Variants in SLC45A1 observed in about 807,000 individuals in gnomAD.
SLC45A1 encodes the protein proton-associated sugar transporter A.
SLC45A1 carries 28 observed loss-of-function variants against 57.6 expected under a neutral mutation model. The observed-to-expected ratio is 0.49, with a 90% CI of 0.36 to 0.67. The LOEUF (loss-of-function observed/expected upper bound fraction) is 0.67. Among genes scored for constraint, SLC45A1 ranks in the 30% least tolerant of loss-of-function variants. The probability of loss-of-function intolerance (pLI) is 0.00; values close to 1 mark genes in which losing one functional copy is unlikely to be tolerated. For missense variants in SLC45A1, 814 were observed against 1,041.5 expected (o/e 0.78, Z 3.01); for synonymous variants, 459 against 471.5 (o/e 0.97, Z 0.34).
Position 8,343,672 on chromosome 1 carries a change from G to C in SLC45A1, c.1981-75G>C. The C allele has an allele frequency of 6.5e-7, 1 of 1,531,076 alleles. No homozygotes were observed. The highest frequency in any genetic ancestry group is 8.8e-7 in the Non-Finnish European group (1 of 1,133,450). The allele number at this position is 1,531,076 out of a possible 1,614,324, so 94.8% of individuals were successfully genotyped here. On this transcript the variant is annotated intron_variant, in intron 8 of 8. Transcript: ENST00000471889. This position sits in a 1 kb window ranked among gnomAD's most constrained non-coding sequence, Gnocchi z 7.7. ...TGGGCCGCTCGGGCCTCCTGGGCTC[G>C]CAGGACACACCGAGCTCGGTCACCC...
In SLC45A1 at chr1:8,330,009, T is replaced by G; in HGVS notation, c.716-200T>G. 1.6e-6 allele frequency: 1 copy of G among 628,528 alleles called. No homozygotes were observed. Among genetic ancestry groups the G allele is most frequent in the Non-Finnish European group, 2.7e-6 (1 of 364,388 alleles). 38.9% of individuals were successfully genotyped at this position (628,528 alleles called of 1,614,324 possible). A position where few individuals can be genotyped will look rare whatever the true frequency, so the allele number is the denominator to read the frequency against. ...CCAGGAAGGGCCCTGCAGGTGGCTG[T>G]GCAGGACAGGAGGGGGACCTCCTCA... On this transcript the variant is annotated intron_variant, in intron 4 of 8. Transcript: ENST00000471889. The surrounding 1 kb of genome is among the most constrained non-coding windows in gnomAD (Gnocchi z 8.4).
rs201491412 is a variant in SLC45A1, at chr1:8,335,454, C to T, written c.1461C>T (p.Leu487=). 30 of 1,594,882 alleles carry T rather than the reference C, an allele frequency of 1.9e-5. No individual in the cohort carries two copies. Among genetic ancestry groups the T allele is most frequent in the Non-Finnish European group, 2.3e-5 (27 of 1,176,880 alleles). ...CTTCCCAGGTGGCCAATATCCTGCT[C>T]AACGGCGTGAAGTATGAGAGCGAGC... is the stretch of plus-strand genomic sequence containing the variant. The part of the protein sequence containing the change: ...TFSQQVANIL[L]NGVKYESELT... Residue 487 remains leucine (L), a synonymous_variant, in exon 6 of 9, where the codon CTC becomes CTT. Transcript: ENST00000471889. The surrounding 1 kb of genome is among the most constrained non-coding windows in gnomAD (Gnocchi z 4.1).
chr1:8,335,648 A>G lies in SLC45A1; in HGVS notation c.1597+58A>G. On this transcript the variant is annotated intron_variant, in intron 6 of 8. Coordinates refer to ENST00000471889, the MANE Select transcript of SLC45A1 (RefSeq NM_001080397.3). This position sits in a 1 kb window ranked among gnomAD's most constrained non-coding sequence, Gnocchi z 4.1. ...TGGTCCTGCTCAGGGCTCTCGCCCCACTGGCCTCCCAGGATGCCCCTGAGC... is the reference window on the plus strand; with the variant it reads ...TGGTCCTGCTCAGGGCTCTCGCCCCGCTGGCCTCCCAGGATGCCCCTGAGC... 6.6e-7 allele frequency: 1 copy of G among 1,506,112 alleles called. No homozygotes were observed. The highest frequency in any genetic ancestry group is 8.8e-7 in the Non-Finnish European group (1 of 1,130,112). 93.3% of individuals were successfully genotyped at this position (1,506,112 alleles called of 1,614,324 possible).
At chr1:8,332,061 C>T (rs910154872) in intron 5 of SLC45A1, among the ~76,000 whole-genome samples, 2 of 152,122 alleles carry the variant, frequency 1.3e-5, no homozygotes, top group African/African-American at 2.4e-5. Flanking sequence ...CAAAGTGCTG[C>T]GATTACAGGC....
At chr1:8,342,139 G>A (rs751508685) in intron 8 of SLC45A1, among the ~76,000 whole-genome samples, 5 of 152,254 alleles carry the variant, frequency 3.3e-5, no homozygotes, top group South Asian at 2.1e-4. Flanking sequence ...CCCGGGAGGC[G>A]GAGCTTGCAG....
At position 8,318,169 on chromosome 1, in the gene SLC45A1, TG is replaced by T; in HGVS notation, c.-41del. 1 of 445,040 alleles carries T rather than the reference TG, an allele frequency of 2.2e-6. No individual in the cohort carries two copies. The highest frequency in any genetic ancestry group is 4.1e-6 in the Non-Finnish European group (1 of 242,850). The allele number at this position is 445,040 out of a possible 1,614,324, so 27.6% of individuals were successfully genotyped here. ...GCAGCCCAGCGGGGACAGGGATGCCTGCCGTCTCCACCCACAGGTACCACCG... is the reference window on the plus strand; with the variant it reads ...GCAGCCCAGCGGGGACAGGGATGCCTCCGTCTCCACCCACAGGTACCACCG... On this transcript the variant is annotated 5_prime_UTR_variant, in exon 1 of 9. Transcript: ENST00000471889.
Position 8,325,288 on chromosome 1 carries a change from T to G in SLC45A1, c.398-10T>G. 6.2e-7 allele frequency: 1 copy of G among 1,607,394 alleles called. No homozygotes were observed. Among genetic ancestry groups the G allele is most frequent in the Non-Finnish European group, 8.5e-7 (1 of 1,174,000 alleles). On this transcript the variant is annotated splice_polypyrimidine_tract_variant and intron_variant, in intron 2 of 8. Coordinates refer to ENST00000471889, the MANE Select transcript of SLC45A1 (RefSeq NM_001080397.3). The surrounding 1 kb of genome is among the most constrained non-coding windows in gnomAD (Gnocchi z 6.3). ...ACCCTGGCAATGACCGCTGGCCTGC[T>G]CTGTTTCAGGATTCCTACTGCAGCC...
chr1:8,330,740 G>T lies in SLC45A1; in HGVS notation c.1247G>T (p.Arg416Leu). Residue 416 changes from arginine (R) to leucine (L), a missense_variant, in exon 5 of 9, where the codon CGT becomes CTT. Coordinates refer to ENST00000471889, the MANE Select transcript of SLC45A1 (RefSeq NM_001080397.3). This position sits in a 1 kb window ranked among gnomAD's most constrained non-coding sequence, Gnocchi z 8.4. ...CCCGACGGCTTCTACCGCCAGGACC[G>T]TGGACTTCTGGAGGGCAGAGAGGGT... is the stretch of plus-strand genomic sequence containing the variant. ...RAPDGFYRQD[R>L]GLLEGREGAL... 6.2e-7 allele frequency: 1 copy of T among 1,613,254 alleles called. No individual in the cohort carries two copies.
At position 8,339,489 on chromosome 1, in the gene SLC45A1, G is replaced by T. The variant is rs748204877; in HGVS notation, c.1775-4G>T. ...GCACTGCTCACCCTCTCTGTGGCCCGCAGCTATCCTGGAGAAGCTGGAGGA... is the reference window on the plus strand; with the variant it reads ...GCACTGCTCACCCTCTCTGTGGCCCTCAGCTATCCTGGAGAAGCTGGAGGA... On this transcript the variant is annotated splice_region_variant and splice_polypyrimidine_tract_variant and intron_variant, in intron 7 of 8. Transcript: ENST00000471889. 2 of 1,614,020 alleles carry T rather than the reference G, an allele frequency of 1.2e-6. No individual in the cohort carries two copies. Among genetic ancestry groups the T allele is most frequent in the South Asian group, 2.2e-5 (2 of 91,076 alleles).
rs367625237 is a variant in SLC45A1, at chr1:8,324,355, C to T, written c.26C>T (p.Pro9Leu). 49 of 1,612,644 alleles carry T rather than the reference C, an allele frequency of 3.0e-5. No homozygotes were observed. The highest frequency in any genetic ancestry group is 3.7e-5 in the Non-Finnish European group (44 of 1,179,948). ...ATGATCCCCGCAGCCAGCAGCACCC[C>T]GCCGGGAGATGCCCTCTTCCCCAGC... Reference protein sequence around the residue: MIPAASSTPPGDALFPSVA... With the variant: MIPAASSTLPGDALFPSVA... The change falls in exon 2 of 9, where the codon CCG becomes CTG. Residue 9 changes from proline (P) to leucine (L), a missense_variant. Transcript: ENST00000471889.
chr1:8,339,685 A>G lies in SLC45A1; in HGVS notation c.1967A>G (p.Tyr656Cys), dbSNP rs1389315392. ...TLPYSLLCDY[Y>C]QSKKFAGSSA... The stretch of plus-strand genomic sequence containing the variant: ...CCTTACTCGCTGCTCTGCGATTACT[A>G]TCAGAGTAAGAAGGTAAGTGCTCTC... The change falls in exon 8 of 9, where the codon TAT becomes TGT. Residue 656 changes from tyrosine to cysteine, a missense_variant. Tyr to Cys is a radical substitution (Grantham distance 194). Transcript: ENST00000471889. The G allele has an allele frequency of 4.3e-6, 7 of 1,613,726 alleles. No individual in the cohort carries two copies. The highest frequency in any genetic ancestry group is 1.6e-4 in the Middle Eastern group (1 of 6,084).
intron 8 of SLC45A1, among the ~76,000 whole-genome samples, chr1:8,342,284 G>A (rs1234415688): frequency 6.6e-6 from 1 of 152,218 alleles, no homozygotes; most frequent in Non-Finnish European, 1.5e-5. Flanking sequence ...TTTACCGGCT[G>A]TATTGAAATA....
chr1:8,324,504 T>TGCCCCCCCCCCCC lies in SLC45A1; in HGVS notation c.175_176insGCCCCCCCCCCCC (p.Ser59CysfsTer17). 1.3e-6 allele frequency: 2 copies of TGCCCCCCCCCCCC among 1,528,646 alleles called. No individual in the cohort carries two copies. Among genetic ancestry groups the TGCCCCCCCCCCCC allele is most frequent in the Non-Finnish European group, 1.8e-6 (2 of 1,108,728 alleles). 94.7% of individuals were successfully genotyped at this position (1,528,646 alleles called of 1,614,324 possible). ...CAAGAGGAGGAAGTGCATTCGTCCCTCCCCACCCCCGCCCCCCAACACCCC... is the reference window on the plus strand; with the variant it reads ...CAAGAGGAGGAAGTGCATTCGTCCCTGCCCCCCCCCCCCCCCCACCCCCGCCCCCCAACACCCC... On this transcript the variant is annotated frameshift_variant, in exon 2 of 9. Transcript: ENST00000471889. LOFTEE classifies it high-confidence loss of function.
rs749611806 is a variant in SLC45A1, at chr1:8,330,918, T to A, written c.1425T>A (p.Asn475Lys). ...GGGPETSRRR[N>K]VTFSQQVANI... ...GTCCCGAAACCAGCAGGAGAAGGAA[T>A]GTGACCTTCAGTCAGCAGGTAACAG... The change falls in exon 5 of 9, where the codon AAT (asparagine) becomes AAA (lysine). Residue 475 changes from asparagine to lysine, a missense_variant. Coordinates refer to ENST00000471889, the MANE Select transcript of SLC45A1 (RefSeq NM_001080397.3). This position sits in a 1 kb window ranked among gnomAD's most constrained non-coding sequence, Gnocchi z 8.4. The A allele has an allele frequency of 1.0e-5, 16 of 1,594,060 alleles. No homozygotes were observed. Among genetic ancestry groups the A allele is most frequent in the Admixed American group, 1.7e-5 (1 of 59,124 alleles).
intron 8 of SLC45A1, among the ~76,000 whole-genome samples, chr1:8,342,158 G>T (rs1471490802): frequency 6.6e-6 from 1 of 152,218 alleles, no homozygotes; most frequent in Non-Finnish European, 1.5e-5. Context: ...AGTGAGCTGA[G>T]ATCGTGCCAC....
At chr1:8,339,179 T>C (rs987749855) in intron 7 of SLC45A1, among the ~76,000 whole-genome samples, 4 of 152,182 alleles carry the variant, frequency 2.6e-5, no homozygotes, top group Non-Finnish European at 1.5e-5. Flanking sequence ...CCTGAGCCCC[T>C]TTGGTGTCAC....
In SLC45A1 at chr1:8,326,001, C is replaced by T; in HGVS notation, c.674C>T (p.Ala225Val). The T allele has an allele frequency of 1.2e-6, 2 of 1,608,904 alleles. No individual in the cohort carries two copies. The highest frequency in any genetic ancestry group is 1.7e-6 in the Non-Finnish European group (2 of 1,179,998). ...TACATGATGGACGTGTGCAGCCCCG[C>T]AGACCAGGACCGAGGCCTGAACATC... is the stretch of plus-strand genomic sequence containing the variant. ...HAYMMDVCSPADQDRGLNIHA... is the reference protein window; with the variant it reads ...HAYMMDVCSPVDQDRGLNIHA... Residue 225 changes from alanine to valine, a missense_variant, in exon 4 of 9, where the codon GCA becomes GTA. Coordinates refer to ENST00000471889, the MANE Select transcript of SLC45A1 (RefSeq NM_001080397.3). This position sits in a 1 kb window ranked among gnomAD's most constrained non-coding sequence, Gnocchi z 5.5.
At position 8,335,612 on chromosome 1, in the gene SLC45A1, C is replaced by T. The variant is rs745322740; in HGVS notation, c.1597+22C>T. 3.8e-6 allele frequency: 6 copies of T among 1,584,064 alleles called. No homozygotes were observed. In the South Asian group the frequency reaches 5.7e-5, roughly 15 times the overall value. Reference sequence around the variant, plus strand: ...CTGGGTGAGCTCCCGGCCAAGCCTCCCCGTGAGTCCTGGTCCTGCTCAGGG... The same window carrying T: ...CTGGGTGAGCTCCCGGCCAAGCCTCTCCGTGAGTCCTGGTCCTGCTCAGGG... On this transcript the variant is annotated intron_variant, in intron 6 of 8. Coordinates refer to ENST00000471889, the MANE Select transcript of SLC45A1 (RefSeq NM_001080397.3). The surrounding 1 kb of genome is among the most constrained non-coding windows in gnomAD (Gnocchi z 4.1).
In SLC45A1 at chr1:8,335,705, G is replaced by A. The variant is rs1640589056; in HGVS notation, c.1597+115G>A. The A allele has an allele frequency of 8.2e-7, 1 of 1,215,452 alleles. No individual in the cohort carries two copies. The highest frequency in any genetic ancestry group is 1.1e-6 in the Non-Finnish European group (1 of 898,236). The allele number at this position is 1,215,452 out of a possible 1,614,324, so 75.3% of individuals were successfully genotyped here. On this transcript the variant is annotated intron_variant, in intron 6 of 8. Coordinates refer to ENST00000471889, the MANE Select transcript of SLC45A1 (RefSeq NM_001080397.3). This position sits in a 1 kb window ranked among gnomAD's most constrained non-coding sequence, Gnocchi z 4.1. ...TCCCAGAACCTTTCTGAGTTCACCA[G>A]CCCCCAACAACAGCACCAAGGGCAG...
Sources: allele counts gnomAD v4.1 joint callset (sites outside exome capture counted in the v4.1 genomes callset), GRCh38; gene constraint gnomAD v4.1.1; non-coding constraint Gnocchi (gnomAD v3.1); transcripts MANE v1.5; gene names NCBI Gene and HGNC (gene_info 2026-07-23, HGNC 2026-07-21).